Variants in IFT140 observed in about 807,000 individuals in gnomAD.
The protein encoded by IFT140 is intraflagellar transport 140.
In IFT140, 133 loss-of-function variants were observed where a neutral mutation model predicts 164.6. The ratio of observed to expected loss-of-function variants is 0.81; its 90% CI spans 0.70 to 0.93. The LOEUF (loss-of-function observed/expected upper bound fraction) is 0.93. Among genes scored for constraint, IFT140 ranks in the 40% least tolerant of loss-of-function variants. IFT140 has a pLI of 0.00. For missense variants in IFT140, 2,045 were observed against 1,972.3 expected, an observed-to-expected ratio of 1.04 and a Z score of -0.70; for synonymous variants, 860 against 817.3, an observed-to-expected ratio of 1.05 and a Z score of -0.89.
At chr16:1,526,311 C>CA in intron 20 of IFT140, 1 of 583,810 alleles carries the variant, frequency 1.7e-6, no homozygotes, top group Non-Finnish European at 3.0e-6. Flanking sequence ...CCCCCTCCCA[C>CA]AGCCCCCCCT....
intron 30 of IFT140, among the ~76,000 whole-genome samples, chr16:1,516,635 T>C (rs944170881): frequency 5.3e-5 from 8 of 151,554 alleles, no homozygotes; most frequent in African/African-American, 1.7e-4. Context: ...CTGGGCGTGG[T>C]GGCGGGCGCC....
At position 1,564,007 on chromosome 16, in the gene IFT140, G is replaced by C. The variant is rs140941344; in HGVS notation, c.2057C>G (p.Ala686Gly). 226 of 1,582,450 alleles carry C rather than the reference G, an allele frequency of 1.4e-4. No individual in the cohort carries two copies. The African/African-American group carries it at 2.9e-3, about 20-fold the overall frequency. ...SANGQPQDGR[A>G]GPAADVLILS... ...ACAGGCAGAGCGTACCGCAGGGCCA[G>C]CGCGCCCATCTTGGGGCTGCCCGTT... The change falls in exon 17 of 31, where the codon GCT becomes GGT. Residue 686 changes from alanine to glycine, a missense_variant. Physicochemically the swap from Ala to Gly is moderately conservative, Grantham distance 60. Coordinates refer to ENST00000426508, the MANE Select transcript of IFT140 (RefSeq NM_014714.4). The surrounding 1 kb of genome is among the most constrained non-coding windows in gnomAD (Gnocchi z 5.5).
intron 14 of IFT140, among the ~76,000 whole-genome samples, chr16:1,569,361 C>T (rs1009385157): frequency 5.9e-5 from 9 of 152,008 alleles, no homozygotes; most frequent in Admixed American, 3.9e-4. Flanking sequence ...TATTGACTTA[C>T]TCATATCATT....
intron 24 of IFT140, chr16:1,524,286 C>T (rs2040608328): frequency 1.6e-6 from 1 of 610,162 alleles, no homozygotes; most frequent in East Asian, 2.9e-5. Context: ...AGGCCATAGG[C>T]CGTGAGCAGC....
chr16:1,604,651 G>C (rs1449823210), intron 3 of IFT140, among the ~76,000 whole-genome samples: 2 of 152,176 alleles, frequency 1.3e-5, no homozygotes, highest in Non-Finnish European at 2.9e-5. Context: ...GTAAAGTAGA[G>C]GAGGCCTGTG....
chr16:1,515,561 C>CA (rs2040312330), intron 30 of IFT140, among the ~76,000 whole-genome samples: 1 of 152,068 alleles, frequency 6.6e-6, no homozygotes, highest in Non-Finnish European at 1.5e-5. Context: ...TGCATGCCAC[C>CA]ATGCCTTGCT....
rs565601588 is a variant in IFT140 at position 1,567,435 on chromosome 16, G to A, written c.1770+782C>T. Among the ~76,000 whole-genome samples the A allele has an allele frequency of 1.2e-3, 185 of 152,172 alleles. 3 individuals carry two copies. The highest frequency in any genetic ancestry group is 4.6e-4 in the Admixed American group (7 of 15,278). ...CTGCTGTCCCCACCAGTCCTCACCC[G>A]CTCACTCTCGCCCCAACCTTGGCTG... is the stretch of plus-strand genomic sequence containing the variant. On this transcript the variant is annotated intron_variant, in intron 15 of 30. Transcript: ENST00000426508.
chr16:1,518,750 C>T (rs2040436398), intron 29 of IFT140, among the ~76,000 whole-genome samples: 1 of 151,878 alleles, frequency 6.6e-6, no homozygotes, highest in African/African-American at 2.4e-5. Context: ...ACCCTCCAAG[C>T]AGAGAGGCTG....
chr16:1,607,533 A>C (rs1184680663), intron 2 of IFT140, among the ~76,000 whole-genome samples: 1 of 152,216 alleles, frequency 6.6e-6, no homozygotes, highest in Non-Finnish European at 1.5e-5. Context: ...AGAAACGAAT[A>C]CAACTCATGG....
At chr16:1,598,974 C>T (rs1470866791) in intron 4 of IFT140, among the ~76,000 whole-genome samples, 12 of 139,680 alleles carry the variant, frequency 8.6e-5, no homozygotes, top group Non-Finnish European at 1.7e-4. Context: ...GTGAGGAGCG[C>T]CTCTTCCCAG....
chr16:1,583,341 G>T lies in IFT140; in HGVS notation c.1405C>A (p.Leu469Ile), dbSNP rs190034269. 31 of 1,614,144 alleles carry T rather than the reference G, an allele frequency of 1.9e-5. No individual in the cohort carries two copies. The East Asian group carries it at 6.5e-4, about 34-fold the overall frequency. The change falls in exon 12 of 31, where the codon CTT (leucine) becomes ATT (isoleucine). Residue 469 changes from leucine to isoleucine, a missense_variant. By Grantham distance (5) the Leu-to-Ile change is conservative. Coordinates refer to ENST00000426508, the MANE Select transcript of IFT140 (RefSeq NM_014714.4). ...GCACTCCGTATCGCGGCTCCAGAAA[G>T]CTCGAAGATCGCCACCTGCCTTCCG... ...WNGRQVAIFE[L>I]SGAAIRSAGT... is the part of the protein sequence containing the mutation.
At chr16:1,539,140 CGCCTCAG>C (rs1425482524) in intron 19 of IFT140, among the ~76,000 whole-genome samples, 17 of 149,056 alleles carry the variant, frequency 1.1e-4, no homozygotes, top group African/African-American at 4.2e-4. Context: ...GACGGCCCCA[CGCCTCAG>C]GCCTCACCAA....
chr16:1,571,975 C>A (rs528209990), intron 13 of IFT140, among the ~76,000 whole-genome samples: 45 of 152,270 alleles, frequency 3.0e-4, no homozygotes, highest in Admixed American at 8.5e-4. Flanking sequence ...ATGTGAAAGC[C>A]GCAGGAATAC....
At chr16:1,547,237 G>T (rs138773716) in intron 19 of IFT140, among the ~76,000 whole-genome samples, 3 of 152,318 alleles carry the variant, frequency 2.0e-5, no homozygotes, top group Non-Finnish European at 4.4e-5. Context: ...GCACCAGAAG[G>T]ACACTAGAAA....
intron 2 of IFT140, chr16:1,610,263 T>A (rs201326549): frequency 9.6e-4 from 149 of 155,034 alleles, no homozygotes; most frequent in South Asian, 4.3e-3. Flanking sequence ...CGCTGGCGGT[T>A]TGATGCAACA....
rs199762967 is a variant in IFT140, at chr16:1,526,036, G to A, written c.2619C>T (p.Asp873=). The part of the protein sequence containing the change: ...EQLYRKCKRH[D]LLNKFYQAAG... ...CAGCCTGGTAGAACTTGTTCAGGAG[G>A]TCGTGGCGCTTGCACTTCCTGTACA... is the stretch of plus-strand genomic sequence containing the variant. The change falls in exon 21 of 31, where the codon GAC becomes GAT. Residue 873 remains aspartate (D), a synonymous_variant. Coordinates refer to ENST00000426508, the MANE Select transcript of IFT140 (RefSeq NM_014714.4). 4 of 1,601,146 alleles carry A rather than the reference G, an allele frequency of 2.5e-6. No individual in the cohort carries two copies. The South Asian group carries it at 3.4e-5, about 14-fold the overall frequency.
Position 1,523,580 on chromosome 16 carries a change from C to A in IFT140, c.3391G>T (p.Asp1131Tyr). 2 of 1,613,740 alleles carry A rather than the reference C, an allele frequency of 1.2e-6. No homozygotes were observed. Among genetic ancestry groups the A allele is most frequent in the Non-Finnish European group, 1.7e-6 (2 of 1,180,000 alleles). The change falls in exon 26 of 31, where the codon GAC becomes TAC. Residue 1131 changes from aspartate to tyrosine, a missense_variant. Coordinates refer to ENST00000426508, the MANE Select transcript of IFT140 (RefSeq NM_014714.4). ...TACTGACTGTGCTCGATGAAGAAGT[C>A]GGAGCAGCGGGCCAGGAGCGCAGGG... Reference protein sequence around the residue: ...SDPALLARCSDFFIEHSQYER... With the variant: ...SDPALLARCSYFFIEHSQYER...
chr16:1,568,709 A>G (rs532029704), intron 14 of IFT140, among the ~76,000 whole-genome samples: 2 of 152,210 alleles, frequency 1.3e-5, no homozygotes, highest in African/African-American at 4.8e-5. Flanking sequence ...AACCGAGATC[A>G]TGCCACTGCA....
intron 2 of IFT140, among the ~76,000 whole-genome samples, chr16:1,608,842 A>C (rs954744709): frequency 6.6e-6 from 1 of 152,096 alleles, no homozygotes; most frequent in Non-Finnish European, 1.5e-5. Context: ...CAGTCTCCCA[A>C]GTAGCTGGGA....
Sources: allele counts gnomAD v4.1 joint callset (sites outside exome capture counted in the v4.1 genomes callset), GRCh38; gene constraint gnomAD v4.1.1; non-coding constraint Gnocchi (gnomAD v3.1); transcripts MANE v1.5; gene names NCBI Gene and HGNC (gene_info 2026-07-23, HGNC 2026-07-21).